The following ABCB1 variants were observed in gnomAD, a reference collection of about 807,000 sequenced individuals.
ABCB1 encodes ATP binding cassette subfamily B member 1, also known as ATP-dependent translocase ABCB1.
A neutral mutation model predicts 142.0 loss-of-function variants in ABCB1; 69 were observed. The ratio of observed to expected loss-of-function variants is 0.49; its 90% CI spans 0.40 to 0.59. ABCB1 has a LOEUF of 0.59. Among genes scored for constraint, ABCB1 ranks in the 20% least tolerant of loss-of-function variants. The pLI, the probability that ABCB1 is intolerant of heterozygous loss-of-function variation, is 0.00. For synonymous variants in ABCB1, 532 were observed against 539.2 expected, an observed-to-expected ratio of 0.99 and a Z score of 0.18; for missense variants, 1,326 against 1,554.7, an observed-to-expected ratio of 0.85 and a Z score of 2.47.
In ABCB1 at chr7:87,538,782, A is replaced by C. The variant is rs946266248; in HGVS notation, c.2397+486T>G. Among the ~76,000 whole-genome samples the C allele has an allele frequency of 8.5e-5, 13 of 152,290 alleles. No individual in the cohort carries two copies. In the Middle Eastern group the frequency reaches 0.014, roughly 159 times the overall value. On this transcript the variant is annotated intron_variant, in intron 19 of 27. Transcript: ENST00000622132. ...CCATTAAACCCATTATCAGCCAGTA[A>C]CACTGCAGCTTGAACTAGTATTTCA...
intron 1 of ABCB1, among the ~76,000 whole-genome samples, chr7:87,653,672 G>A (rs1299733918): frequency 6.6e-6 from 1 of 151,572 alleles, no homozygotes; most frequent in African/African-American, 2.4e-5. Flanking sequence ...TTTCAAATGC[G>A]AGCCTAATAC....
intron 1 of ABCB1, among the ~76,000 whole-genome samples, chr7:87,632,147 A>T (rs1350395223): frequency 6.6e-6 from 1 of 150,602 alleles, no homozygotes; most frequent in Admixed American, 6.6e-5. Flanking sequence ...ATATCATTCT[A>T]GTGTATCCAC....
At chr7:87,539,099 C>A (rs1284944420) in intron 19 of ABCB1, among the ~76,000 whole-genome samples, 169 bp downstream of exon 19, 1 of 152,154 alleles carries the variant, frequency 6.6e-6, no homozygotes, top group Non-Finnish European at 1.5e-5. Flanking sequence ...GACAGTAGAG[C>A]CTCATCTGTG....
At chr7:87,602,058 A>T (rs113624117), upstream of ABCB1, among the ~76,000 whole-genome samples, 15 of 152,086 alleles carry the variant, frequency 9.9e-5, no homozygotes, top group African/African-American at 3.1e-4. Flanking sequence ...CAGTGGCAGG[A>T]TCTCGGCTCA....
chr7:87,649,651 G>T (rs1403593040), intron 1 of ABCB1, among the ~76,000 whole-genome samples: 1 of 152,120 alleles, frequency 6.6e-6, no homozygotes, highest in African/African-American at 2.4e-5. Context: ...TTACAGATTT[G>T]CAGGTTTTGC....
At position 87,521,994 on chromosome 7, in the gene ABCB1, G is replaced by A. The variant is rs999254174; in HGVS notation, c.2686-1118C>T. On this transcript the variant is annotated intron_variant, in intron 21 of 27. Transcript: ENST00000622132. The stretch of plus-strand genomic sequence containing the variant: ...GTGAATGGCCACACTTGTGAAGTTA[G>A]GAAAGCCCTGTCAAAGCAAGAGATG... 14 of 858,284 alleles carry A rather than the reference G, an allele frequency of 1.6e-5. No individual in the cohort carries two copies. The African/African-American group carries it at 2.0e-4, about 12-fold the overall frequency. 53.2% of individuals were successfully genotyped at this position (858,284 alleles called of 1,614,324 possible).
At chr7:87,608,550 A>T (rs1819740470) in intron 1 of ABCB1, among the ~76,000 whole-genome samples, 1 of 152,200 alleles carries the variant, frequency 6.6e-6, no homozygotes, top group African/African-American at 2.4e-5. Context: ...TTAATTTATA[A>T]CCAAACCCTT....
At chr7:87,602,423 C>T (rs1030968991), upstream of ABCB1, among the ~76,000 whole-genome samples, 2 of 150,478 alleles carry the variant, frequency 1.3e-5, no homozygotes, top group Non-Finnish European at 3.0e-5. Flanking sequence ...TTAACAACAA[C>T]CCTGTGGTCC....
intron 1 of ABCB1, among the ~76,000 whole-genome samples, chr7:87,677,416 A>C (rs1219177422): frequency 6.6e-6 from 1 of 152,142 alleles, no homozygotes; most frequent in Non-Finnish European, 1.5e-5. Context: ...AATATGCAAG[A>C]CACAGAAAGA....
intron 1 of ABCB1, among the ~76,000 whole-genome samples, chr7:87,706,080 G>T (rs1829557725): frequency 6.6e-6 from 1 of 152,094 alleles, no homozygotes; most frequent in African/African-American, 2.4e-5. Context: ...GTTTCTGGTT[G>T]CTTATCCTGT....
At chr7:87,603,660 C>T (rs981082719), upstream of ABCB1, among the ~76,000 whole-genome samples, 2 of 152,232 alleles carry the variant, frequency 1.3e-5, no homozygotes, top group East Asian at 1.9e-4. Flanking sequence ...GTGCTTTTCA[C>T]TCTGTGCTTT....
intron 18 of ABCB1, among the ~76,000 whole-genome samples, chr7:87,540,834 A>G (rs1466977341): frequency 6.6e-6 from 1 of 152,210 alleles, no homozygotes; most frequent in Non-Finnish European, 1.5e-5. Flanking sequence ...CTGACTCTTT[A>G]CAAATGTTTC....
intron 17 of ABCB1, among the ~76,000 whole-genome samples, chr7:87,543,334 A>G (rs1435952944): frequency 6.6e-6 from 1 of 152,222 alleles, no homozygotes; most frequent in Non-Finnish European, 1.5e-5. Context: ...AATATTAAGC[A>G]TGAATGTCAT....
chr7:87,683,293 C>T (rs1021162694), intron 1 of ABCB1, among the ~76,000 whole-genome samples: 3 of 152,204 alleles, frequency 2.0e-5, no homozygotes, highest in African/African-American at 7.2e-5. Context: ...TCACTTCCTT[C>T]ATGTGTTCAC....
At chr7:87,703,759 CCT>C (rs1477294690) in intron 1 of ABCB1, among the ~76,000 whole-genome samples, 2 of 151,748 alleles carry the variant, frequency 1.3e-5, no homozygotes, top group Non-Finnish European at 1.5e-5. Context: ...TGTCCTTTGA[CCT>C]CTGTTTCCTC....
chr7:87,626,336 G>GTCA (rs1820528696), intron 1 of ABCB1, among the ~76,000 whole-genome samples: 3 of 12,158 alleles, frequency 2.5e-4, no homozygotes, highest in Admixed American at 1.3e-3. Context: ...TATATGTGTC[G>GTCA]TATATGTGTC....
chr7:87,625,067 T>C (rs1820359790), intron 1 of ABCB1, among the ~76,000 whole-genome samples: 1 of 152,052 alleles, frequency 6.6e-6, no homozygotes, highest in Non-Finnish European at 1.5e-5. Flanking sequence ...CCATCCTGGC[T>C]AACACGGTGA....
At chr7:87,658,062 A>G (rs139593408) in intron 1 of ABCB1, among the ~76,000 whole-genome samples, 202 of 152,344 alleles carry the variant, frequency 1.3e-3, no homozygotes, top group African/African-American at 4.4e-3. Context: ...AATAAAAGAT[A>G]GTCAATAGAT....
At chr7:87,552,665 T>G in intron 9 of ABCB1, among the ~76,000 whole-genome samples, 1 of 142,870 alleles carries the variant, frequency 7.0e-6, no homozygotes, top group Non-Finnish European at 1.5e-5. Context: ...AAAAACTTCA[T>G]GGGAAAAGCC....
Sources: allele counts gnomAD v4.1 joint callset (sites outside exome capture counted in the v4.1 genomes callset), GRCh38; gene constraint gnomAD v4.1.1; transcripts MANE v1.5; gene names NCBI Gene and HGNC (gene_info 2026-07-23, HGNC 2026-07-21).